HTRA3: variants seen among roughly 807,000 people sequenced by gnomAD.
HTRA3 encodes the protein serine protease HTRA3.
Under a neutral mutation model 43.2 loss-of-function variants are expected in HTRA3, and 41 were observed. That is an observed-to-expected ratio of 0.95 (90% CI 0.74 to 1.23). The LOEUF is 1.23. HTRA3 is among the 50% of genes most tolerant of loss of function. HTRA3 has a pLI of 0.00. For missense variants in HTRA3, 628 were observed against 647.1 expected (o/e 0.97, Z 0.32); for synonymous variants, 295 against 287.9 (o/e 1.02, Z -0.25).
At chr4:8,305,071 G>A (rs1389163583) in intron 8 of HTRA3, among the ~76,000 whole-genome samples, 1 of 152,164 alleles carries the variant, frequency 6.6e-6, no homozygotes, top group Non-Finnish European at 1.5e-5. Flanking sequence ...TGCTGGCATG[G>A]CTGACCCACT....
intron 1 of HTRA3, among the ~76,000 whole-genome samples, chr4:8,277,660 G>C (rs1214335645): frequency 6.6e-6 from 1 of 152,228 alleles, no homozygotes; most frequent in African/African-American, 2.4e-5. Context: ...GCAGGAAGCA[G>C]AGCCGAGGTC....
chr4:8,292,072 C>T (rs564648306), intron 4 of HTRA3, among the ~76,000 whole-genome samples: 5 of 151,410 alleles, frequency 3.3e-5, no homozygotes, highest in East Asian at 1.9e-4. Flanking sequence ...GCTGCCTGGC[C>T]TCCGGGGTGT....
At position 8,282,458 on chromosome 4, in the gene HTRA3, C is replaced by A. The variant is rs558370979; in HGVS notation, c.407C>A (p.Pro136Gln). The change falls in exon 2 of 9, where the codon CCG (proline) becomes CAG (glutamine). Residue 136 changes from proline (P) to glutamine (Q), a missense_variant. Physicochemically the swap from Pro to Gln is moderately conservative, Grantham distance 76. Coordinates refer to ENST00000307358, the MANE Select transcript of HTRA3 (RefSeq NM_053044.5). ...GCAGGTCTCCACCAGCTGAGCAGCC[C>A]GCGCTACAAGTTCAACTTCATTGCT... ...CPLGLHQLSSPRYKFNFIADV... is the reference protein window; with the variant it reads ...CPLGLHQLSSQRYKFNFIADV... 1 of 1,613,820 alleles carries A rather than the reference C, an allele frequency of 6.2e-7. No homozygotes were observed.
intron 6 of HTRA3, among the ~76,000 whole-genome samples, chr4:8,294,939 C>G (rs957572113): frequency 6.6e-6 from 1 of 151,528 alleles, no homozygotes; most frequent in Non-Finnish European, 1.5e-5. Context: ...ATCCATTCAT[C>G]CACCCATCCA....
Position 8,270,369 on chromosome 4 carries a change from C to A in HTRA3, c.385+16C>A, listed in dbSNP as rs1329627775. On this transcript the variant is annotated intron_variant, in intron 1 of 8. Coordinates refer to ENST00000307358, the MANE Select transcript of HTRA3 (RefSeq NM_053044.5). ...TGCCCGTTGGGTAAGCGCTCGGGGG[C>A]CAGGGAGGAAGTGAAGCTTCTTTCT... 1.4e-6 allele frequency: 2 copies of A among 1,387,600 alleles called. No individual in the cohort carries two copies. Among genetic ancestry groups the A allele is most frequent in the South Asian group, 1.6e-5 (1 of 64,454 alleles). The allele number at this position is 1,387,600 out of a possible 1,614,324, so 86.0% of individuals were successfully genotyped here. A position where few individuals can be genotyped will look rare whatever the true frequency, so the allele number is the denominator to read the frequency against.
intron 6 of HTRA3, among the ~76,000 whole-genome samples, chr4:8,301,256 TATTG>T (rs1713645501): frequency 6.6e-6 from 1 of 151,348 alleles, no homozygotes; most frequent in Non-Finnish European, 1.5e-5. Flanking sequence ...CACTCAGCTT[TATTG>T]ATTCACACTC....
At chr4:8,274,150 C>T (rs1292232394) in intron 1 of HTRA3, among the ~76,000 whole-genome samples, 1 of 152,234 alleles carries the variant, frequency 6.6e-6, no homozygotes, top group Non-Finnish European at 1.5e-5. Flanking sequence ...CCCTCGGTGC[C>T]GTCTCCCACT....
At chr4:8,289,884 C>T (rs1231203879) in intron 3 of HTRA3, among the ~76,000 whole-genome samples, 1 of 149,622 alleles carries the variant, frequency 6.7e-6, no homozygotes, top group East Asian at 2.0e-4. Flanking sequence ...GATGGGCTGA[C>T]CCTCCCCAGC....
intron 2 of HTRA3, 99 bp downstream of exon 2, chr4:8,282,635 C>A (rs964462990): frequency 6.6e-5 from 61 of 921,924 alleles, no homozygotes; most frequent in Middle Eastern, 4.3e-4. Flanking sequence ...CAGCCTGGGC[C>A]ACAGAAACTG....
intron 3 of HTRA3, among the ~76,000 whole-genome samples, chr4:8,288,294 A>G (rs1009077631): frequency 1.3e-5 from 2 of 152,092 alleles, no homozygotes; most frequent in African/African-American, 4.8e-5. Flanking sequence ...TTTTTTTGAA[A>G]TGGGGTTTTG....
In HTRA3 at chr4:8,297,559, C is replaced by T. The variant is rs757517955; in HGVS notation, c.1051+3358C>T. ...GGAGGCTGGGGCAGGGCTGTGGCCT[C>T]GAGGGTGAGGGCTGCATGACGGGGC... On this transcript the variant is annotated intron_variant, in intron 6 of 8. Coordinates refer to ENST00000307358, the MANE Select transcript of HTRA3 (RefSeq NM_053044.5). This position sits in a 1 kb window ranked among gnomAD's most constrained non-coding sequence, Gnocchi z 5.8. Among the ~76,000 whole-genome samples, 52 of 151,976 alleles carry T rather than the reference C, an allele frequency of 3.4e-4. No homozygotes were observed. The highest frequency in any genetic ancestry group is 6.0e-4 in the Non-Finnish European group (41 of 67,992).
rs1474080106 is a variant in HTRA3, at chr4:8,270,341, G to A, written c.373G>A (p.Ala125Thr). The A allele has an allele frequency of 1.4e-6, 2 of 1,421,176 alleles. No individual in the cohort carries two copies. Among genetic ancestry groups the A allele is most frequent in the East Asian group, 5.9e-5 (2 of 33,640 alleles). The allele number at this position is 1,421,176 out of a possible 1,614,324, so 88.0% of individuals were successfully genotyped here. A position where few individuals can be genotyped will look rare whatever the true frequency, so the allele number is the denominator to read the frequency against. ...GTPVRQLQKG[A>T]CPLGLHQLSS... ...GCCCGTGCGCCAGCTGCAGAAGGGC[G>A]CCTGCCCGTTGGGTAAGCGCTCGGG... Residue 125 changes from alanine to threonine, a missense_variant, in exon 1 of 9, where the codon GCC (alanine) becomes ACC (threonine). Physicochemically the swap from Ala to Thr is moderately conservative, Grantham distance 58. Transcript: ENST00000307358.
chr4:8,294,059 T>C, intron 5 of HTRA3, 28 bp from the exon 6 acceptor site: 1 of 1,532,868 alleles, frequency 6.5e-7, no homozygotes, highest in Non-Finnish European at 8.9e-7. Context: ...TTCCCCCAAC[T>C]GATGCCTGCT....
chr4:8,304,318 A>C, intron 8 of HTRA3, 39 bp downstream of exon 8: 1 of 1,548,278 alleles, frequency 6.5e-7, no homozygotes, highest in Non-Finnish European at 8.9e-7. Context: ...GGCATGGGGC[A>C]GGCGTGAGGT....
In HTRA3 at chr4:8,290,252, C is replaced by T. The variant is rs117835697; in HGVS notation, c.709-1118C>T. 2.8e-4 allele frequency among the ~76,000 whole-genome samples: 43 copies of T among 152,346 alleles called. 1 individual carries two copies. In the East Asian group the frequency reaches 8.3e-3, roughly 29 times the overall value. ...CGTAATCCTGTGCGGGGCTCCACGTCGTCCCCATTATTGACAGCTTTCTCC... is the reference window on the plus strand; with the variant it reads ...CGTAATCCTGTGCGGGGCTCCACGTTGTCCCCATTATTGACAGCTTTCTCC... On this transcript the variant is annotated intron_variant, in intron 3 of 8. Transcript: ENST00000307358.
chr4:8,295,720 G>A lies in HTRA3; in HGVS notation c.1051+1519G>A. 1 of 1,388,608 alleles carries A rather than the reference G, an allele frequency of 7.2e-7. No individual in the cohort carries two copies. The highest frequency in any genetic ancestry group is 9.4e-7 in the Non-Finnish European group (1 of 1,068,258). 86.0% of individuals were successfully genotyped at this position (1,388,608 alleles called of 1,614,324 possible). A position where few individuals can be genotyped will look rare whatever the true frequency, so the allele number is the denominator to read the frequency against. On this transcript the variant is annotated intron_variant, in intron 6 of 8. Coordinates refer to ENST00000307358, the MANE Select transcript of HTRA3 (RefSeq NM_053044.5). The surrounding 1 kb of genome is among the most constrained non-coding windows in gnomAD (Gnocchi z 6.9). ...CCCCCTCACTGGCAGTTCATTGAGA[G>A]CAGGGGGCTTCCTCACGTTTCCCCC...
intron 1 of HTRA3, among the ~76,000 whole-genome samples, chr4:8,270,938 G>T (rs904030547): frequency 6.6e-6 from 1 of 152,222 alleles, no homozygotes; most frequent in African/African-American, 2.4e-5. Flanking sequence ...ATCTCACCGT[G>T]CAGGTTGACT....
rs1337682928 is a variant in HTRA3, at chr4:8,294,159, A to G, written c.1009A>G (p.Ile337Val). Residue 337 changes from isoleucine (I) to valine (V), a missense_variant, in exon 6 of 9, where the codon ATC becomes GTC. Physicochemically the swap from Ile to Val is conservative, Grantham distance 29. Transcript: ENST00000307358. ...GISFAIPSDR[I>V]TRFLTEFQDK... is the part of the protein sequence containing the mutation. The stretch of plus-strand genomic sequence containing the variant: ...CTCCTTTGCCATCCCCTCAGACCGC[A>G]TCACACGGTTCCTCACAGAGTTCCA... The G allele has an allele frequency of 1.8e-5, 29 of 1,612,686 alleles. No individual in the cohort carries two copies. The highest frequency in any genetic ancestry group is 2.3e-5 in the Non-Finnish European group (27 of 1,179,380).
chr4:8,282,963 G>A (rs1248988314), intron 2 of HTRA3, among the ~76,000 whole-genome samples: 4 of 152,168 alleles, frequency 2.6e-5, no homozygotes, highest in Admixed American at 6.5e-5. Context: ...AGTGGGAACC[G>A]GGGGCTCGGG....
Sources: gnomAD v4.1 joint callset for allele counts (sites outside exome capture counted in the v4.1 genomes callset) on GRCh38, gnomAD v4.1.1 for gene constraint, Gnocchi (gnomAD v3.1) non-coding constraint, MANE v1.5 for transcripts, NCBI Gene and HGNC (gene_info 2026-07-23, HGNC 2026-07-21) for gene names.